MTOR: variants seen among roughly 807,000 people sequenced by gnomAD.
The protein encoded by MTOR is serine/threonine-protein kinase mTOR.
A neutral mutation model predicts 319.8 loss-of-function variants in MTOR; 70 were observed. The observed-to-expected ratio is 0.22, with a 90% CI of 0.18 to 0.27. MTOR has a LOEUF of 0.27. Ranked by LOEUF, MTOR falls within the 10% of genes least tolerant of loss-of-function variation. The pLI, the probability that MTOR is intolerant of heterozygous loss-of-function variation, is 1.00. For synonymous variants in MTOR, 1,183 were observed against 1,211.4 expected (o/e 0.98, Z 0.49); for missense variants, 1,890 against 3,274.4 (o/e 0.58, Z 10.32).
rs1487988638 is a variant in MTOR at position 11,144,693 on chromosome 1, G to T, written c.4827C>A (p.Pro1609=). ...LEEVIQYKLV[P]ERREIIRQIW... The stretch of plus-strand genomic sequence containing the variant: ...TCTGGCGGATGATCTCTCGTCGCTC[G>T]GGGACAAGTTTGTACTGGATAACCT... Residue 1609 remains proline, a synonymous_variant, in exon 34 of 58, where the codon CCC becomes CCA. Transcript: ENST00000361445. The T allele has an allele frequency of 6.2e-7, 1 of 1,614,058 alleles. No homozygotes were observed.
intron 28 of MTOR, among the ~76,000 whole-genome samples, chr1:11,169,404 G>C (rs986696841): frequency 6.6e-6 from 1 of 152,156 alleles, no homozygotes; most frequent in African/African-American, 2.4e-5. Flanking sequence ...CAGGAATCAG[G>C]AAAGTCCCCA....
Position 11,167,493 on chromosome 1 carries a change from C to T in MTOR, c.4278G>A (p.Pro1426=), listed in dbSNP as rs764725826. The part of the protein sequence containing the change: ...LISINNKLQQ[P]EAAAGVLEYA... ...ATTCTAACACTCCGGCCGCTGCCTC[C>T]GGCTGCTGTAGCTTATTATTAATGC... The change falls in exon 29 of 58, where the codon CCG becomes CCA. Residue 1426 remains proline (P), a synonymous_variant. Transcript: ENST00000361445. The T allele has an allele frequency of 2.4e-5, 38 of 1,612,830 alleles. No individual in the cohort carries two copies. The highest frequency in any genetic ancestry group is 3.1e-5 in the Non-Finnish European group (36 of 1,179,826).
At chr1:11,110,790 C>G (rs1006660640) in intron 54 of MTOR, among the ~76,000 whole-genome samples, 1 of 152,140 alleles carries the variant, frequency 6.6e-6, no homozygotes, top group African/African-American at 2.4e-5. Flanking sequence ...CTCCTGGGCT[C>G]AAGTGCTCCT....
chr1:11,166,488 A>G (rs948591644), intron 29 of MTOR, among the ~76,000 whole-genome samples: 8 of 152,396 alleles, frequency 5.2e-5, no homozygotes, highest in African/African-American at 1.9e-4. Context: ...CAAAAGACAC[A>G]TGAAAAAATG....
At chr1:11,168,974 T>A (rs1276758998) in intron 28 of MTOR, among the ~76,000 whole-genome samples, 3 of 152,194 alleles carry the variant, frequency 2.0e-5, no homozygotes, top group African/African-American at 7.2e-5. Context: ...ATGTGACACA[T>A]CAACCTGGGA....
At chr1:11,169,254 G>A (rs978007032) in intron 28 of MTOR, among the ~76,000 whole-genome samples, 99 of 152,278 alleles carry the variant, frequency 6.5e-4, no homozygotes, top group African/African-American at 1.4e-3. Flanking sequence ...TTTACAAAGC[G>A]TTTTCAAATA....
chr1:11,258,347 G>T, intron 3 of MTOR, 138 bp downstream of exon 3: 1 of 648,460 alleles, frequency 1.5e-6, no homozygotes, highest in Non-Finnish European at 2.7e-6. Context: ...GCCCAGGGCT[G>T]CTGCTAGAAT....
At chr1:11,161,613 A>G (rs185517408) in intron 29 of MTOR, among the ~76,000 whole-genome samples, 4 of 152,278 alleles carry the variant, frequency 2.6e-5, no homozygotes, top group African/African-American at 7.2e-5. Context: ...AGGCAGCAAC[A>G]TTGGCTGCTC....
Position 11,243,307 on chromosome 1 carries a change from A to G in MTOR, c.1226-7T>C, listed in dbSNP as rs781730400. On this transcript the variant is annotated splice_region_variant and splice_polypyrimidine_tract_variant and intron_variant, in intron 8 of 57. Coordinates refer to ENST00000361445, the MANE Select transcript of MTOR (RefSeq NM_004958.4). ...TCTTGGAGATACTGGGTATCTGAGC[A>G]CAGAAAAGACAAAGTAGATAGCTCC... 5.0e-6 allele frequency: 8 copies of G among 1,613,088 alleles called. No individual in the cohort carries two copies. In the East Asian group the frequency reaches 1.8e-4, roughly 36 times the overall value.
intron 11 of MTOR, 68 bp downstream of exon 11, chr1:11,240,235 C>A: frequency 4.0e-6 from 6 of 1,505,188 alleles, no homozygotes; most frequent in Non-Finnish European, 5.3e-6. Context: ...ATCCTAGATA[C>A]CTTCATTCCT....
intron 15 of MTOR, 121 bp from the exon 16 acceptor site, chr1:11,232,649 C>A (rs1052747626): frequency 1.1e-4 from 76 of 707,102 alleles, no homozygotes; most frequent in Non-Finnish European, 1.6e-4. Flanking sequence ...CTGAGGAGGG[C>A]AGATCACCTG....
At chr1:11,204,826 C>T in intron 25 of MTOR, 123 bp from the exon 26 acceptor site, 1 of 1,127,876 alleles carries the variant, frequency 8.9e-7, no homozygotes, top group Middle Eastern at 3.0e-4. Context: ...CGATAAAATT[C>T]CCCTAGAGTA....
chr1:11,213,457 G>A lies in MTOR; in HGVS notation c.3227C>T (p.Pro1076Leu), dbSNP rs1474831560. 1 of 1,613,864 alleles carries A rather than the reference G, an allele frequency of 6.2e-7. No homozygotes were observed. The highest frequency in any genetic ancestry group is 1.3e-5 in the African/African-American group (1 of 75,014). Residue 1076 changes from proline (P) to leucine (L), a missense_variant, in exon 21 of 58, where the codon CCA (proline) becomes CTA (leucine). By Grantham distance (98) the Pro-to-Leu change is moderately conservative. Around this residue, in one of 15 missense-constraint regions of MTOR, gnomAD observed 377 missense variants for 653.9 expected, o/e 0.58. Transcript: ENST00000361445. ...ATGCATGAAGACACGCAGCATGTGT[G>A]GGATCAGCTGGGGCAGGTAGAGCTT... The part of the protein sequence containing the change: ...EFKLYLPQLI[P>L]HMLRVFMHDN...
Position 11,129,691 on chromosome 1 carries a change from G to A in MTOR, c.5714+47C>T, listed in dbSNP as rs375088480. 1.3e-6 allele frequency: 2 copies of A among 1,534,130 alleles called. No individual in the cohort carries two copies. The highest frequency in any genetic ancestry group is 1.7e-4 in the Middle Eastern group (1 of 5,822). ...CTTTTACGTGTGACTTCTAGGTCTT[G>A]CCATTAACATGGCCTACCAGAGTTG... is the stretch of plus-strand genomic sequence containing the variant. On this transcript the variant is annotated intron_variant, in intron 40 of 57. Coordinates refer to ENST00000361445, the MANE Select transcript of MTOR (RefSeq NM_004958.4). The surrounding 1 kb of genome is among the most constrained non-coding windows in gnomAD (Gnocchi z 4.7).
chr1:11,123,853 T>A (rs1642672991), intron 47 of MTOR, among the ~76,000 whole-genome samples: 1 of 151,966 alleles, frequency 6.6e-6, no homozygotes, highest in East Asian at 1.9e-4. Context: ...AATGGTGCAA[T>A]CTTGGCTCAC....
At chr1:11,110,546 G>A (rs917033738) in intron 54 of MTOR, among the ~76,000 whole-genome samples, 1 of 151,978 alleles carries the variant, frequency 6.6e-6, no homozygotes, top group East Asian at 1.9e-4. Context: ...ACAGGCATGC[G>A]CTACCATGCC....
intron 32 of MTOR, chr1:11,145,375 C>A (rs769777772): frequency 1.4e-5 from 4 of 294,886 alleles, no homozygotes; most frequent in Non-Finnish European, 2.6e-5. Flanking sequence ...AACTGGGGAT[C>A]TACCTTTTTT....
chr1:11,241,580 A>C lies in MTOR; in HGVS notation c.1514T>G (p.Leu505Arg). The stretch of plus-strand genomic sequence containing the variant: ...TAGTCCCACTGCCAGCATGGGCTCC[A>C]GCAGCTCCTTGATATCCTGCTGGAT... ...PGIQQDIKEL[L>R]EPMLAVGLSP... The change falls in exon 10 of 58, where the codon CTG (leucine) becomes CGG (arginine). Residue 505 changes from leucine to arginine, a missense_variant. Leu to Arg is a moderately radical substitution (Grantham distance 102). Transcript: ENST00000361445. 1.9e-6 allele frequency: 3 copies of C among 1,613,820 alleles called. No homozygotes were observed. Among genetic ancestry groups the C allele is most frequent in the Non-Finnish European group, 2.5e-6 (3 of 1,179,808 alleles).
At chr1:11,246,682 C>T (rs1179071946) in intron 8 of MTOR, among the ~76,000 whole-genome samples, 1 of 152,104 alleles carries the variant, frequency 6.6e-6, no homozygotes, top group Non-Finnish European at 1.5e-5. Flanking sequence ...TGCTTATGTT[C>T]CTGGCTCTCA....
Sources: gnomAD v4.1 joint callset for allele counts (sites outside exome capture counted in the v4.1 genomes callset) on GRCh38, gnomAD v4.1.1 for gene constraint, gnomAD v4.1.1 regional missense constraint, Gnocchi (gnomAD v3.1) non-coding constraint, MANE v1.5 for transcripts, NCBI Gene and HGNC (gene_info 2026-07-23, HGNC 2026-07-21) for gene names.